SARNP: variants seen among roughly 807,000 people sequenced by gnomAD.
SARNP encodes the protein SAP domain containing ribonucleoprotein, also known as SAP domain-containing ribonucleoprotein.
In SARNP, 5 loss-of-function variants were observed where a neutral mutation model predicts 38.1. The observed-to-expected ratio is 0.13, with a 90% CI of 0.07 to 0.28. The LOEUF is 0.28. SARNP is among the 10% of genes least tolerant of loss of function. The probability of loss-of-function intolerance (pLI) is 1.00; values close to 1 mark genes in which losing one functional copy is unlikely to be tolerated. For synonymous variants in SARNP, 84 were observed against 80.6 expected (o/e 1.04, Z -0.23); for missense variants, 180 against 243.9 (o/e 0.74, Z 1.75).
At chr12:55,814,940 T>C (rs1329358165) in intron 1 of SARNP, among the ~76,000 whole-genome samples, 2 of 152,068 alleles carry the variant, frequency 1.3e-5, no homozygotes, top group Non-Finnish European at 2.9e-5. Flanking sequence ...TGATATGACA[T>C]TACATATCAA....
chr12:55,790,488 T>C (rs1879632714), intron 8 of SARNP, 79 bp downstream of exon 8: 3 of 1,418,704 alleles, frequency 2.1e-6, no homozygotes, highest in Non-Finnish European at 1.9e-6. Context: ...TTTCCTCTAA[T>C]CTGGGGAGGA....
intron 9 of SARNP, among the ~76,000 whole-genome samples, chr12:55,764,335 C>T (rs925806772): frequency 6.6e-6 from 1 of 151,946 alleles, no homozygotes; most frequent in African/African-American, 2.4e-5. Flanking sequence ...AGTTCGAGAC[C>T]AGCCTGACCA....
At chr12:55,760,487 C>G (rs758293975) in intron 10 of SARNP, 64 bp downstream of exon 10, 2 of 886,750 alleles carry the variant, frequency 2.3e-6, no homozygotes, top group Admixed American at 1.9e-5. Context: ...CAATATTTCT[C>G]CATTCAGTTT....
At chr12:55,781,533 C>CA (rs56737127) in intron 9 of SARNP, among the ~76,000 whole-genome samples, 9,251 of 86,358 alleles carry the variant, frequency 0.11, 315 homozygotes, top group Middle Eastern at 0.24. Context: ...AACTCCGTCT[C>CA]AAAAAAAAAA....
chr12:55,765,243 C>T lies in SARNP; in HGVS notation c.502-4603G>A, dbSNP rs180810688. On this transcript the variant is annotated intron_variant, in intron 9 of 10. Transcript: ENST00000336133. ...ACCCTGAGGCCAAGCCCTCCCCCAA[C>T]GTATGTCCACTTGGAATGTGCGGGC... is the stretch of plus-strand genomic sequence containing the variant. 7.8e-4 allele frequency among the ~76,000 whole-genome samples: 119 copies of T among 152,298 alleles called. 1 individual carries two copies. Among genetic ancestry groups the T allele is most frequent in the Non-Finnish European group, 1.2e-4 (8 of 68,040 alleles).
chr12:55,788,834 C>A (rs1050350967), intron 9 of SARNP, among the ~76,000 whole-genome samples: 2 of 152,056 alleles, frequency 1.3e-5, no homozygotes, highest in Non-Finnish European at 2.9e-5. Context: ...GAAATGTAGA[C>A]CACGCTCTAG....
chr12:55,759,296 C>A (rs2136174964), intron 10 of SARNP, among the ~76,000 whole-genome samples: 1 of 152,248 alleles, frequency 6.6e-6, no homozygotes, highest in South Asian at 2.1e-4. Flanking sequence ...TATACAGAAT[C>A]GTTTCACTCT....
downstream of SARNP, chr12:55,756,594 G>A (rs1592550405): frequency 6.6e-6 from 1 of 152,114 alleles, no homozygotes; most frequent in Non-Finnish European, 1.5e-5. Context: ...AACAAAAACC[G>A]AGCTTATATA....
At chr12:55,811,412 A>G (rs1880323726) in intron 1 of SARNP, among the ~76,000 whole-genome samples, 1 of 152,154 alleles carries the variant, frequency 6.6e-6, no homozygotes, top group Non-Finnish European at 1.5e-5. Context: ...TAAAAAATTA[A>G]TACACAGTTC....
At chr12:55,788,196 T>C (rs1372956517) in intron 9 of SARNP, among the ~76,000 whole-genome samples, 5 of 152,228 alleles carry the variant, frequency 3.3e-5, no homozygotes, top group Non-Finnish European at 7.3e-5. Context: ...TTTTCTCCAA[T>C]GTGCCTAGCA....
intron 1 of SARNP, among the ~76,000 whole-genome samples, chr12:55,809,131 AG>A (rs1360651636): frequency 3.3e-5 from 5 of 151,844 alleles, no homozygotes; most frequent in African/African-American, 9.7e-5. Context: ...GCCTGAGTCC[AG>A]GAAGTCGAGG....
chr12:55,758,013 A>G (rs1878564948), intron 10 of SARNP, among the ~76,000 whole-genome samples: 1 of 152,218 alleles, frequency 6.6e-6, no homozygotes, highest in Admixed American at 6.5e-5. Flanking sequence ...TCAGGCCCAG[A>G]CAGTAGCTAT....
chr12:55,805,540 T>C (rs941142354), intron 1 of SARNP, among the ~76,000 whole-genome samples: 1 of 152,112 alleles, frequency 6.6e-6, no homozygotes, highest in Admixed American at 6.5e-5. Context: ...GGTGAAACCC[T>C]GTCTCTACTA....
chr12:55,802,844 T>G (rs1033184766), intron 2 of SARNP, among the ~76,000 whole-genome samples: 4 of 151,472 alleles, frequency 2.6e-5, no homozygotes, highest in African/African-American at 9.7e-5. Flanking sequence ...AATGTGTGGT[T>G]ATCCATCATT....
At chr12:55,791,562 G>A (rs188540978) in intron 7 of SARNP, among the ~76,000 whole-genome samples, 1 of 152,252 alleles carries the variant, frequency 6.6e-6, no homozygotes. Flanking sequence ...AGGCGTGGTG[G>A]CGTACACCTG....
chr12:55,764,473 G>A (rs967505297), intron 9 of SARNP, among the ~76,000 whole-genome samples: 4 of 150,564 alleles, frequency 2.7e-5, no homozygotes, highest in African/African-American at 9.8e-5. Context: ...GGAGGTTGCG[G>A]TGAGCCGAGA....
intron 2 of SARNP, among the ~76,000 whole-genome samples, chr12:55,802,274 G>A (rs1274361811): frequency 6.6e-6 from 1 of 151,800 alleles, no homozygotes; most frequent in South Asian, 2.1e-4. Context: ...CCATTCTTGG[G>A]CATATACCCC....
At chr12:55,764,556 G>T (rs1459515109) in intron 9 of SARNP, among the ~76,000 whole-genome samples, 1 of 149,992 alleles carries the variant, frequency 6.7e-6, no homozygotes, top group Non-Finnish European at 1.5e-5. Context: ...AAAGAATAAG[G>T]CTGGGCGCAG....
chr12:55,767,448 C>G (rs1412594702), intron 9 of SARNP, among the ~76,000 whole-genome samples: 1 of 151,796 alleles, frequency 6.6e-6, no homozygotes, highest in Non-Finnish European at 1.5e-5. Context: ...ACTCGAGAGG[C>G]TGATGGGGGA....
Sources: allele counts gnomAD v4.1 joint callset (sites outside exome capture counted in the v4.1 genomes callset), GRCh38; gene constraint gnomAD v4.1.1; transcripts MANE v1.5; gene names NCBI Gene and HGNC (gene_info 2026-07-23, HGNC 2026-07-21).